The following ALK variants were observed in gnomAD, a reference collection of about 807,000 sequenced individuals.
ALK encodes the protein ALK receptor tyrosine kinase.
Under a neutral mutation model 163.1 loss-of-function variants are expected in ALK, and 74 were observed. The ratio of observed to expected loss-of-function variants is 0.45; its 90% CI spans 0.38 to 0.55. The LOEUF is 0.55. ALK is among the 20% of genes least tolerant of loss of function. ALK has a pLI of 0.00. For synonymous variants in ALK, 960 were observed against 843.2 expected, an observed-to-expected ratio of 1.14 and a Z score of -2.40; for missense variants, 2,063 against 2,105.3, an observed-to-expected ratio of 0.98 and a Z score of 0.39.
chr2:29,778,943 C>G (rs1241897471), intron 1 of ALK, among the ~76,000 whole-genome samples: 1 of 151,972 alleles, frequency 6.6e-6, no homozygotes, highest in Non-Finnish European at 1.5e-5. Context: ...ATCACGAGGT[C>G]AGGAGATCGA....
intron 6 of ALK, among the ~76,000 whole-genome samples, chr2:29,327,265 C>G (rs1016723771): frequency 1.3e-5 from 2 of 152,132 alleles, no homozygotes; most frequent in Admixed American, 6.5e-5. Flanking sequence ...CTCATTCTTT[C>G]CTCTCATCAA....
intron 3 of ALK, among the ~76,000 whole-genome samples, chr2:29,653,485 C>A (rs899174802): frequency 6.6e-6 from 1 of 152,092 alleles, no homozygotes; most frequent in Non-Finnish European, 1.5e-5. Context: ...CCGTTGAAAT[C>A]ATGACTTTGC....
At chr2:29,195,321 G>A (rs960104992) in intron 28 of ALK, among the ~76,000 whole-genome samples, 30 of 152,128 alleles carry the variant, frequency 2.0e-4, no homozygotes, top group African/African-American at 6.5e-4. Flanking sequence ...CGTGATATAG[G>A]AAGTCTATAG....
intron 4 of ALK, among the ~76,000 whole-genome samples, chr2:29,448,141 T>C (rs187782861): frequency 6.6e-6 from 1 of 152,238 alleles, no homozygotes; most frequent in African/African-American, 2.4e-5. Flanking sequence ...TTTTTTCCTT[T>C]TGTATTTCAC....
chr2:29,594,017 C>G (rs892340834), intron 3 of ALK, among the ~76,000 whole-genome samples: 2 of 152,162 alleles, frequency 1.3e-5, no homozygotes. Context: ...GAGAGGTTTT[C>G]TTGGTTTTTA....
chr2:29,547,013 C>T (rs1427076550), intron 3 of ALK, among the ~76,000 whole-genome samples: 1 of 152,174 alleles, frequency 6.6e-6, no homozygotes, highest in African/African-American at 2.4e-5. Flanking sequence ...TCTGGGAGAG[C>T]TGCATGGAGC....
intron 1 of ALK, among the ~76,000 whole-genome samples, chr2:29,878,373 C>T (rs1666774880): frequency 6.6e-6 from 1 of 152,222 alleles, no homozygotes; most frequent in African/African-American, 2.4e-5. Flanking sequence ...ACACTGTTCA[C>T]TGCCTCTATT....
chr2:29,649,061 A>AT (rs1676964655), intron 3 of ALK, among the ~76,000 whole-genome samples: 1 of 151,980 alleles, frequency 6.6e-6, no homozygotes, highest in Non-Finnish European at 1.5e-5. Context: ...TACGATCTAT[A>AT]TTTTTTCCTT....
At chr2:29,194,795 G>C (rs1189504275) in intron 28 of ALK, among the ~76,000 whole-genome samples, 2 of 152,072 alleles carry the variant, frequency 1.3e-5, no homozygotes, top group Non-Finnish European at 2.9e-5. Context: ...TGGGATTACA[G>C]GCATTCTTTA....
intron 3 of ALK, among the ~76,000 whole-genome samples, chr2:29,631,173 C>T (rs1558416828): frequency 6.6e-6 from 1 of 152,220 alleles, no homozygotes; most frequent in Non-Finnish European, 1.5e-5. Context: ...ATAGATATCG[C>T]TCATTTTCAT....
chr2:29,914,483 T>C (rs1265766710), intron 1 of ALK, among the ~76,000 whole-genome samples: 1 of 152,146 alleles, frequency 6.6e-6, no homozygotes, highest in East Asian at 1.9e-4. Flanking sequence ...GATGCTGGAG[T>C]GCAGCTGTTG....
chr2:29,232,248 G>A (rs1198683961), intron 15 of ALK, 56 bp downstream of exon 15: 8 of 1,609,138 alleles, frequency 5.0e-6, no homozygotes, highest in East Asian at 2.2e-5. Context: ...TGGCATCGGG[G>A]CCCAGCTGAA....
At chr2:29,588,983 C>G (rs1383215360) in intron 3 of ALK, among the ~76,000 whole-genome samples, 3 of 152,104 alleles carry the variant, frequency 2.0e-5, no homozygotes, top group African/African-American at 7.2e-5. Context: ...GGGGCTGGTT[C>G]TCTGCATACA....
chr2:29,763,577 G>A (rs1454475237), intron 1 of ALK, among the ~76,000 whole-genome samples: 1 of 151,604 alleles, frequency 6.6e-6, no homozygotes, highest in East Asian at 1.9e-4. Context: ...CACATTTATG[G>A]GCCACTGGAG....
At chr2:29,509,148 G>A (rs1464539890) in intron 4 of ALK, among the ~76,000 whole-genome samples, 1 of 152,140 alleles carries the variant, frequency 6.6e-6, no homozygotes, top group Non-Finnish European at 1.5e-5. Context: ...GGAAAAGAGA[G>A]TCAATTTTGT....
At chr2:29,919,146 C>G (rs1667914237) in intron 1 of ALK, among the ~76,000 whole-genome samples, 1 of 152,132 alleles carries the variant, frequency 6.6e-6, no homozygotes, top group Admixed American at 6.5e-5. Context: ...GCAGGGAGAT[C>G]TGCAGTGAAA....
intron 3 of ALK, among the ~76,000 whole-genome samples, chr2:29,688,218 A>G (rs1678293920): frequency 1.3e-5 from 2 of 152,216 alleles, no homozygotes; most frequent in African/African-American, 4.8e-5. Context: ...AGCACAGCCC[A>G]TGCAATGGGA....
chr2:29,876,425 T>C (rs1666712857), intron 1 of ALK, among the ~76,000 whole-genome samples: 1 of 136,994 alleles, frequency 7.3e-6, no homozygotes, highest in Non-Finnish European at 1.6e-5. Flanking sequence ...TGTGGTGTGG[T>C]GATGGTGATG....
At position 29,370,758 on chromosome 2, in the gene ALK, C is replaced by T. The variant is rs151195717; in HGVS notation, c.1282+12974G>A. The stretch of plus-strand genomic sequence containing the variant: ...AGTGGGGTTGTAGCCTCACAGAGCC[C>T]GTGCCCACCTTCTGGCCCACTTCCC... On this transcript the variant is annotated intron_variant, in intron 5 of 28. Transcript: ENST00000389048. 9.1e-3 allele frequency among the ~76,000 whole-genome samples: 1,382 copies of T among 152,202 alleles called. 14 individuals are homozygous for T. The highest frequency in any genetic ancestry group is 9.8e-3 in the African/African-American group (408 of 41,512).
Sources: gnomAD v4.1 joint callset for allele counts (sites outside exome capture counted in the v4.1 genomes callset) on GRCh38, gnomAD v4.1.1 for gene constraint, MANE v1.5 for transcripts, NCBI Gene and HGNC (gene_info 2026-07-23, HGNC 2026-07-21) for gene names.